Variants in SLIT3 observed in about 807,000 individuals in gnomAD.
The protein encoded by SLIT3 is slit homolog 3 protein.
Under a neutral mutation model 184.0 loss-of-function variants are expected in SLIT3, and 68 were observed. The observed-to-expected ratio is 0.37, with a 90% CI of 0.30 to 0.45. SLIT3 has a LOEUF of 0.45. Among genes scored for constraint, SLIT3 ranks in the 20% least tolerant of loss-of-function variants. SLIT3 has a pLI of 1.00. For synonymous variants in SLIT3, 831 were observed against 828.6 expected, an observed-to-expected ratio of 1.00 and a Z score of -0.05; for missense variants, 1,707 against 2,026.0, an observed-to-expected ratio of 0.84 and a Z score of 3.02.
At chr5:168,851,930 T>TGTAAAAGGCTCCTCACTGCAG (rs1758694889) in intron 5 of SLIT3, among the ~76,000 whole-genome samples, 1 of 152,220 alleles carries the variant, frequency 6.6e-6, no homozygotes, top group Non-Finnish European at 1.5e-5. Flanking sequence ...ATGGGCTGTC[T>TGTAAAAGGCTCCTCACTGCAG]CTTTGCAAAC....
At chr5:168,796,066 T>C (rs1353845655) in intron 9 of SLIT3, among the ~76,000 whole-genome samples, 1 of 152,206 alleles carries the variant, frequency 6.6e-6, no homozygotes, top group Non-Finnish European at 1.5e-5. Flanking sequence ...ATTTCTGAGC[T>C]TTTCCATGGG....
intron 5 of SLIT3, 38 bp downstream of exon 5, chr5:168,883,227 A>G: frequency 6.4e-7 from 1 of 1,567,326 alleles, no homozygotes; most frequent in Non-Finnish European, 8.8e-7. Context: ...AGCCCAAGTT[A>G]GCCACATACG....
At chr5:168,962,373 G>T (rs867626644) in intron 4 of SLIT3, among the ~76,000 whole-genome samples, 19 of 151,314 alleles carry the variant, frequency 1.3e-4, no homozygotes, top group Middle Eastern at 3.2e-3. Context: ...ATATCTGTCA[G>T]AGACTTTTTC....
chr5:169,259,322 G>C (rs1018904683), intron 1 of SLIT3, among the ~76,000 whole-genome samples: 3 of 152,214 alleles, frequency 2.0e-5, no homozygotes, highest in Non-Finnish European at 4.4e-5. Context: ...GCCTCCCAAA[G>C]TGCTGGGATT....
At position 168,762,620 on chromosome 5, in the gene SLIT3, C is replaced by T. The variant is rs760448007; in HGVS notation, c.1529G>A (p.Arg510His). 6.2e-6 allele frequency: 10 copies of T among 1,614,102 alleles called. No individual in the cohort carries two copies. The highest frequency in any genetic ancestry group is 1.6e-4 in the Middle Eastern group (1 of 6,062). Residue 510 changes from arginine (R) to histidine (H), a missense_variant, in exon 15 of 36, where the codon CGC (arginine) becomes CAC (histidine). Arg to His is a conservative substitution (Grantham distance 29). Coordinates refer to ENST00000519560, the MANE Select transcript of SLIT3 (RefSeq NM_003062.4). ...GCAGTCCACAATCGTGCCCTCACAG[C>T]GACACTTCTCGGGGCACACGAGGTC... ...FMDLVCPEKC[R>H]CEGTIVDCSN...
intron 6 of SLIT3, among the ~76,000 whole-genome samples, chr5:168,824,768 T>C (rs1029229411): frequency 1.3e-5 from 2 of 152,148 alleles, no homozygotes; most frequent in Non-Finnish European, 2.9e-5. Flanking sequence ...CAGACATCCC[T>C]TACTCAACAA....
chr5:168,794,334 G>T lies in SLIT3; in HGVS notation c.1007+1173C>A, dbSNP rs1756489917. 2.0e-5 allele frequency among the ~76,000 whole-genome samples: 3 copies of T among 151,368 alleles called. No homozygotes were observed. The South Asian group carries it at 6.3e-4, about 32-fold the overall frequency. On this transcript the variant is annotated intron_variant, in intron 10 of 35. Coordinates refer to ENST00000519560, the MANE Select transcript of SLIT3 (RefSeq NM_003062.4). ...CTAAATGATTTCTTAGCCTCAAAAA[G>T]GGAAGGAGTATCTGTGCAGAACTGA...
In SLIT3 at chr5:168,796,289, C is replaced by T. The variant is rs559640849; in HGVS notation, c.936-711G>A. Among the ~76,000 whole-genome samples, 4 of 152,336 alleles carry T rather than the reference C, an allele frequency of 2.6e-5. No individual in the cohort carries two copies. The South Asian group carries it at 8.3e-4, about 32-fold the overall frequency. On this transcript the variant is annotated intron_variant, in intron 9 of 35. Transcript: ENST00000519560. ...TGAAAGCAACAAGAGACGCTGCAGG[C>T]CCAGGGCCCAGAACTTCCTTGGAAG...
intron 4 of SLIT3, among the ~76,000 whole-genome samples, chr5:168,975,986 AC>A (rs1490819965): frequency 2.6e-5 from 4 of 152,122 alleles, no homozygotes; most frequent in African/African-American, 4.8e-5. Flanking sequence ...TTTAAACAAC[AC>A]TAAATCTCTC....
intron 7 of SLIT3, among the ~76,000 whole-genome samples, chr5:168,822,183 T>A (rs150642263): frequency 9.2e-5 from 14 of 152,312 alleles, no homozygotes; most frequent in Admixed American, 9.2e-4. Flanking sequence ...TCTCATGGAT[T>A]GTACAGGCAG....
At chr5:168,963,189 A>G (rs1338185442) in intron 4 of SLIT3, among the ~76,000 whole-genome samples, 2 of 152,080 alleles carry the variant, frequency 1.3e-5, no homozygotes, top group African/African-American at 4.8e-5. Context: ...TTCTTTTCGA[A>G]ATGGAGTCTC....
At chr5:168,772,572 G>A in intron 14 of SLIT3, 1 of 357,100 alleles carries the variant, frequency 2.8e-6, no homozygotes. Flanking sequence ...TGCTTTTATT[G>A]TGTGTGTGTG....
intron 5 of SLIT3, among the ~76,000 whole-genome samples, chr5:168,871,157 T>C (rs2113766558): frequency 6.6e-6 from 1 of 152,330 alleles, no homozygotes; most frequent in South Asian, 2.1e-4. Flanking sequence ...TTGTCCTCCT[T>C]CCCTGAATCA....
At chr5:168,901,805 C>T (rs1760882713) in intron 4 of SLIT3, among the ~76,000 whole-genome samples, 1 of 152,228 alleles carries the variant, frequency 6.6e-6, no homozygotes, top group Admixed American at 6.5e-5. Context: ...AGCAGCTGAT[C>T]TGGCTAACTA....
At chr5:169,076,974 A>G (rs1338355948) in intron 4 of SLIT3, among the ~76,000 whole-genome samples, 1 of 152,040 alleles carries the variant, frequency 6.6e-6, no homozygotes, top group Non-Finnish European at 1.5e-5. Flanking sequence ...ATACACACAC[A>G]CACACCCTAG....
intron 8 of SLIT3, among the ~76,000 whole-genome samples, chr5:168,808,616 G>A (rs1237340299): frequency 6.6e-6 from 1 of 152,196 alleles, no homozygotes; most frequent in African/African-American, 2.4e-5. Context: ...GCAAGTCACA[G>A]TACCTCTCTC....
intron 4 of SLIT3, among the ~76,000 whole-genome samples, chr5:168,934,723 T>G (rs1762098188): frequency 6.6e-6 from 1 of 151,758 alleles, no homozygotes; most frequent in Non-Finnish European, 1.5e-5. Context: ...CAAGAGAGGG[T>G]CTATTTTGGG....
chr5:168,988,615 G>A (rs749424342), intron 4 of SLIT3, among the ~76,000 whole-genome samples: 9 of 152,138 alleles, frequency 5.9e-5, no homozygotes, highest in East Asian at 1.9e-4. Context: ...GGAAGACTGC[G>A]AGATCTAACT....
Position 169,056,295 on chromosome 5 carries a change from T to C in SLIT3, c.413+137184A>G, listed in dbSNP as rs779630876. Reference sequence around the variant, plus strand: ...TTGATTCACAGGCCTTGTGGATTCTTGGCTGGGCAGGTTTCCCAGCAAGAA... The same window carrying C: ...TTGATTCACAGGCCTTGTGGATTCTCGGCTGGGCAGGTTTCCCAGCAAGAA... On this transcript the variant is annotated intron_variant, in intron 4 of 35. Transcript: ENST00000519560. 1.3e-5 allele frequency among the ~76,000 whole-genome samples: 2 copies of C among 152,324 alleles called. 1 individual carries two copies. The highest frequency in any genetic ancestry group is 6.8e-3 in the Middle Eastern group (2 of 294).
Sources: gnomAD v4.1 joint callset for allele counts (sites outside exome capture counted in the v4.1 genomes callset) on GRCh38, gnomAD v4.1.1 for gene constraint, MANE v1.5 for transcripts, NCBI Gene and HGNC (gene_info 2026-07-23, HGNC 2026-07-21) for gene names.